SLC35F3: variants seen among roughly 807,000 people sequenced by gnomAD.
SLC35F3 encodes the protein solute carrier family 35 member F3.
Under a neutral mutation model 49.9 loss-of-function variants are expected in SLC35F3, and 25 were observed. The observed-to-expected ratio is 0.50, with a 90% CI of 0.37 to 0.70. SLC35F3 has a LOEUF of 0.70. Ranked by LOEUF, SLC35F3 falls within the 30% of genes least tolerant of loss-of-function variation. SLC35F3 has a pLI of 0.00. For missense variants in SLC35F3, 525 were observed against 639.8 expected, an observed-to-expected ratio of 0.82 and a Z score of 1.94; for synonymous variants, 275 against 265.4, an observed-to-expected ratio of 1.04 and a Z score of -0.35.
At chr1:234,048,738 G>A (rs1197039120) in intron 2 of SLC35F3, among the ~76,000 whole-genome samples, 1 of 151,730 alleles carries the variant, frequency 6.6e-6, no homozygotes, top group Non-Finnish European at 1.5e-5. Flanking sequence ...AGAGGCAGGA[G>A]CAATTTTCCA....
At chr1:233,934,058 A>T (rs1571985868) in intron 2 of SLC35F3, among the ~76,000 whole-genome samples, 1 of 152,246 alleles carries the variant, frequency 6.6e-6, no homozygotes, top group Non-Finnish European at 1.5e-5. Flanking sequence ...TTGAAACATG[A>T]TTGCATAACT....
At chr1:234,262,021 G>A (rs1667913517) in intron 3 of SLC35F3, among the ~76,000 whole-genome samples, 1 of 152,200 alleles carries the variant, frequency 6.6e-6, no homozygotes, top group South Asian at 2.1e-4. Flanking sequence ...ACAGTTGCCT[G>A]GTTGGGTAGG....
chr1:234,212,482 AG>A (rs1210623004), intron 2 of SLC35F3: 3 of 152,250 alleles, frequency 2.0e-5, no homozygotes, highest in Non-Finnish European at 4.4e-5. Context: ...TTATAAGTTC[AG>A]GCTTTTGAAT....
intron 2 of SLC35F3, among the ~76,000 whole-genome samples, chr1:234,049,616 A>G (rs1425519591): frequency 1.3e-5 from 2 of 151,966 alleles, no homozygotes; most frequent in Admixed American, 1.3e-4. Context: ...CTCAATACTA[A>G]TTTTGTATTT....
At chr1:234,092,813 A>G (rs1466464081) in intron 2 of SLC35F3, among the ~76,000 whole-genome samples, 4 of 152,208 alleles carry the variant, frequency 2.6e-5, no homozygotes, top group Non-Finnish European at 4.4e-5. Context: ...GGCTGCAGTG[A>G]CCCATAATTG....
In SLC35F3 at chr1:234,323,867, T is replaced by C. The variant is rs547580069; in HGVS notation, c.*624T>C. On this transcript the variant is annotated 3_prime_UTR_variant, in exon 8 of 8. Coordinates refer to ENST00000366618, the MANE Select transcript of SLC35F3 (RefSeq NM_173508.4). The surrounding 1 kb of genome is among the most constrained non-coding windows in gnomAD (Gnocchi z 4.5). ...GGACAAGATAAGTCCAAGCCCCGGCTGGCCTGCTCTCACGTGTCTGTGTAA... is the reference window on the plus strand; with the variant it reads ...GGACAAGATAAGTCCAAGCCCCGGCCGGCCTGCTCTCACGTGTCTGTGTAA... The C allele has an allele frequency of 1.3e-5, 2 of 153,836 alleles. No individual in the cohort carries two copies. Among genetic ancestry groups the C allele is most frequent in the African/African-American group, 4.8e-5 (2 of 41,580 alleles). The allele number at this position is 153,836 out of a possible 1,614,324, so 9.5% of individuals were successfully genotyped here. A position where few individuals can be genotyped will look rare whatever the true frequency, so the allele number is the denominator to read the frequency against.
intron 2 of SLC35F3, among the ~76,000 whole-genome samples, chr1:234,185,204 G>A (rs548177116): frequency 6.6e-6 from 1 of 152,172 alleles, no homozygotes; most frequent in Non-Finnish European, 1.5e-5. Flanking sequence ...GTGTACGCTG[G>A]TTCTGGGAAG....
At chr1:234,075,590 G>A (rs886394432) in intron 2 of SLC35F3, among the ~76,000 whole-genome samples, 4 of 152,194 alleles carry the variant, frequency 2.6e-5, no homozygotes, top group East Asian at 1.9e-4. Context: ...AACTGAGGTC[G>A]TTAGAAAAGA....
intron 2 of SLC35F3, among the ~76,000 whole-genome samples, chr1:233,953,799 G>A (rs1486465337): frequency 6.6e-6 from 1 of 152,170 alleles, no homozygotes; most frequent in Non-Finnish European, 1.5e-5. Context: ...GGGGAAAAAA[G>A]ACCTGGGTAA....
chr1:234,206,066 C>A (rs1206020991), intron 2 of SLC35F3, among the ~76,000 whole-genome samples: 1 of 152,028 alleles, frequency 6.6e-6, no homozygotes, highest in Admixed American at 6.6e-5. Context: ...CACGTGGCAG[C>A]TGGGGGAGCT....
At chr1:234,197,045 C>T (rs1666824615) in intron 2 of SLC35F3, among the ~76,000 whole-genome samples, 1 of 152,206 alleles carries the variant, frequency 6.6e-6, no homozygotes, top group Non-Finnish European at 1.5e-5. Flanking sequence ...AAGAACTGAG[C>T]TTCAATCTGA....
intron 2 of SLC35F3, among the ~76,000 whole-genome samples, chr1:233,906,585 C>T (rs765168596): frequency 3.5e-4 from 54 of 152,146 alleles, no homozygotes; most frequent in Non-Finnish European, 8.8e-5. Context: ...TTGCCATTTG[C>T]CACCTCAGTC....
At chr1:234,165,135 G>A (rs1249099472) in intron 2 of SLC35F3, among the ~76,000 whole-genome samples, 3 of 151,198 alleles carry the variant, frequency 2.0e-5, no homozygotes, top group African/African-American at 7.3e-5. Flanking sequence ...AGTAGCATTA[G>A]TATATAGTAT....
chr1:233,912,295 T>C (rs547160474), intron 2 of SLC35F3, among the ~76,000 whole-genome samples: 1 of 152,164 alleles, frequency 6.6e-6, no homozygotes, highest in Non-Finnish European at 1.5e-5. Flanking sequence ...CTGGCCAAGA[T>C]GGTGAAACCC....
chr1:234,258,253 G>A lies in SLC35F3; in HGVS notation c.608+26512G>A, dbSNP rs555058559. On this transcript the variant is annotated intron_variant, in intron 3 of 7. Coordinates refer to ENST00000366618, the MANE Select transcript of SLC35F3 (RefSeq NM_173508.4). ...GGGGTCAAAGCTGTCTTCTTGCACT[G>A]AGTCAGTTCCTGGGCGGGAGTTCAC... 1.1e-4 allele frequency among the ~76,000 whole-genome samples: 17 copies of A among 152,324 alleles called. No homozygotes were observed. The South Asian group carries it at 3.5e-3, about 32-fold the overall frequency.
At chr1:234,288,736 A>AAG (rs1191110227) in intron 3 of SLC35F3, among the ~76,000 whole-genome samples, 2 of 152,198 alleles carry the variant, frequency 1.3e-5, no homozygotes, top group African/African-American at 4.8e-5. Flanking sequence ...TAAGGAAACT[A>AAG]AGGATCCCAA....
At chr1:234,170,389 T>A (rs1666383648) in intron 2 of SLC35F3, among the ~76,000 whole-genome samples, 1 of 152,040 alleles carries the variant, frequency 6.6e-6, no homozygotes, top group Non-Finnish European at 1.5e-5. Context: ...GTCTCCCAGG[T>A]AGGAGCTAAA....
At chr1:234,196,854 A>T (rs1334385415) in intron 2 of SLC35F3, among the ~76,000 whole-genome samples, 1 of 152,226 alleles carries the variant, frequency 6.6e-6, no homozygotes, top group Non-Finnish European at 1.5e-5. Context: ...AGGCAGGAGA[A>T]TTGCTTGGAC....
intron 2 of SLC35F3, among the ~76,000 whole-genome samples, chr1:234,005,691 AT>A (rs1316831588): frequency 6.6e-6 from 1 of 152,220 alleles, no homozygotes; most frequent in Non-Finnish European, 1.5e-5. Context: ...ATGCCACAAA[AT>A]TAGGGGCAGG....
Sources: allele counts gnomAD v4.1 joint callset (sites outside exome capture counted in the v4.1 genomes callset), GRCh38; gene constraint gnomAD v4.1.1; non-coding constraint Gnocchi (gnomAD v3.1); transcripts MANE v1.5; gene names NCBI Gene and HGNC (gene_info 2026-07-23, HGNC 2026-07-21).